Variants in HIPK2 observed in about 807,000 individuals in gnomAD.
HIPK2 encodes homeodomain interacting protein kinase 2, also known as homeodomain-interacting protein kinase 2.
HIPK2 carries 27 observed loss-of-function variants against 113.7 expected under a neutral mutation model. The ratio of observed to expected loss-of-function variants is 0.24; its 90% CI spans 0.17 to 0.33. The LOEUF (loss-of-function observed/expected upper bound fraction) is 0.33, where lower values mean the gene tolerates loss of function less well. Ranked by LOEUF, HIPK2 falls within the 10% of genes least tolerant of loss-of-function variation. The pLI, the probability that HIPK2 is intolerant of heterozygous loss-of-function variation, is 1.00. For synonymous variants in HIPK2, 631 were observed against 642.2 expected (o/e 0.98, Z 0.26); for missense variants, 1,257 against 1,588.0 (o/e 0.79, Z 3.54).
At chr7:139,692,804 C>T (rs891706984) in intron 2 of HIPK2, among the ~76,000 whole-genome samples, 4 of 152,214 alleles carry the variant, frequency 2.6e-5, no homozygotes, top group African/African-American at 7.2e-5. Context: ...CTCACACATT[C>T]GTGATAAATG....
intron 1 of HIPK2, among the ~76,000 whole-genome samples, chr7:139,738,899 C>G (rs1215042860): frequency 6.6e-6 from 1 of 152,072 alleles, no homozygotes; most frequent in Non-Finnish European, 1.5e-5. Context: ...CCAGGATGTC[C>G]AAGACATTGG....
At chr7:139,645,589 C>G (rs558491864) in intron 2 of HIPK2, among the ~76,000 whole-genome samples, 2 of 152,218 alleles carry the variant, frequency 1.3e-5, no homozygotes, top group Non-Finnish European at 2.9e-5. Flanking sequence ...AGCCACTACT[C>G]CTGGCCGATG....
At position 139,604,421 on chromosome 7, in the gene HIPK2, C is replaced by G. The variant is rs142894951; in HGVS notation, c.2113-198G>C. 6.8e-3 allele frequency: 1,804 copies of G among 265,988 alleles called. 35 individuals are homozygous for G. Among genetic ancestry groups the G allele is most frequent in the African/African-American group, 0.039 (1,703 of 43,436 alleles). The allele number at this position is 265,988 out of a possible 1,614,324, so 16.5% of individuals were successfully genotyped here. On this transcript the variant is annotated intron_variant, in intron 9 of 14. Transcript: ENST00000406875. Reference sequence around the variant, plus strand: ...TACAGGCCGGGTGCAGTGGCTCACGCCTGTAATCCTAGCACTTTGGGAGGC... The same window carrying G: ...TACAGGCCGGGTGCAGTGGCTCACGGCTGTAATCCTAGCACTTTGGGAGGC...
intron 13 of HIPK2, among the ~76,000 whole-genome samples, chr7:139,577,752 G>A (rs1798538759): frequency 6.6e-6 from 1 of 152,162 alleles, no homozygotes; most frequent in African/African-American, 2.4e-5. Context: ...AGAAGGGCAG[G>A]GCAGACCAGG....
chr7:139,754,099 A>C (rs1796326152), intron 1 of HIPK2, among the ~76,000 whole-genome samples: 2 of 152,190 alleles, frequency 1.3e-5, no homozygotes, highest in South Asian at 4.1e-4. Context: ...GCTCCAATTT[A>C]GGGGACAGTC....
chr7:139,604,238 A>G lies in HIPK2; in HGVS notation c.2113-15T>C, dbSNP rs1302833752. On this transcript the variant is annotated splice_polypyrimidine_tract_variant and intron_variant, in intron 9 of 14. Transcript: ENST00000406875. ...GGCCAAGCCTGCTGTAGAACACAGG[A>G]CATGTGCAATGACCATGTTTGCTAA... is the stretch of plus-strand genomic sequence containing the variant. 4 of 1,596,494 alleles carry G rather than the reference A, an allele frequency of 2.5e-6. No homozygotes were observed. In the African/African-American group the frequency reaches 5.4e-5, roughly 21 times the overall value.
chr7:139,742,691 GA>G (rs1250083975), intron 1 of HIPK2, among the ~76,000 whole-genome samples: 2 of 152,244 alleles, frequency 1.3e-5, no homozygotes, highest in Middle Eastern at 3.4e-3. Flanking sequence ...ATGAAATCAA[GA>G]AAATAGCAGC....
At position 139,745,928 on chromosome 7, in the gene HIPK2, G is replaced by A. The variant is rs950542765; in HGVS notation, c.20-28913C>T. On this transcript the variant is annotated intron_variant, in intron 1 of 14. Coordinates refer to ENST00000406875, the MANE Select transcript of HIPK2 (RefSeq NM_022740.5). ...GCCACGATTATTTCAACACAGAAAA[G>A]GAGAAAAAGAGGAGCTGGATGACCT... Among the ~76,000 whole-genome samples, 3 of 152,306 alleles carry A rather than the reference G, an allele frequency of 2.0e-5. No individual in the cohort carries two copies. In the East Asian group the frequency reaches 5.8e-4, roughly 29 times the overall value.
chr7:139,673,050 A>G (rs1248417902), intron 2 of HIPK2, among the ~76,000 whole-genome samples: 3 of 152,162 alleles, frequency 2.0e-5, no homozygotes, highest in Non-Finnish European at 4.4e-5. Context: ...TGTGGAGGAC[A>G]GAAAGTCCTA....
At chr7:139,689,688 A>G (rs1316227615) in intron 2 of HIPK2, among the ~76,000 whole-genome samples, 1 of 152,168 alleles carries the variant, frequency 6.6e-6, no homozygotes, top group Non-Finnish European at 1.5e-5. Context: ...ACAGCTTCCC[A>G]TTGGTCCAAG....
chr7:139,743,377 G>T (rs959916480), intron 1 of HIPK2, among the ~76,000 whole-genome samples: 1 of 152,188 alleles, frequency 6.6e-6, no homozygotes, highest in African/African-American at 2.4e-5. Flanking sequence ...ACAGACACAT[G>T]ATTTTCCTTG....
chr7:139,776,453 T>C (rs996784883), intron 1 of HIPK2, among the ~76,000 whole-genome samples: 8 of 151,670 alleles, frequency 5.3e-5, no homozygotes, highest in African/African-American at 1.7e-4. Flanking sequence ...ATAACAGAGA[T>C]AAAACTATTA....
chr7:139,740,432 C>T (rs989192923), intron 1 of HIPK2, among the ~76,000 whole-genome samples: 1 of 152,218 alleles, frequency 6.6e-6, no homozygotes, highest in African/African-American at 2.4e-5. Flanking sequence ...GCAGCTGCAG[C>T]AGGACGCAAA....
chr7:139,753,367 G>T (rs1027223781), intron 1 of HIPK2, among the ~76,000 whole-genome samples: 1 of 152,172 alleles, frequency 6.6e-6, no homozygotes, highest in Non-Finnish European at 1.5e-5. Context: ...CAGCAACCAC[G>T]GGAGCCTTCC....
At chr7:139,632,602 C>T (rs1175614634) in intron 2 of HIPK2, among the ~76,000 whole-genome samples, 1 of 152,072 alleles carries the variant, frequency 6.6e-6, no homozygotes, top group Non-Finnish European at 1.5e-5. Flanking sequence ...GAGTTCTGTC[C>T]CTTCAAGGAA....
intron 1 of HIPK2, among the ~76,000 whole-genome samples, chr7:139,775,878 CA>C (rs1260779075): frequency 6.6e-6 from 1 of 152,176 alleles, no homozygotes; most frequent in Admixed American, 6.5e-5. Context: ...AAATACACCC[CA>C]ACTCACATAC....
intron 6 of HIPK2, among the ~76,000 whole-genome samples, chr7:139,624,412 G>A (rs966276661): frequency 6.6e-6 from 1 of 152,160 alleles, no homozygotes; most frequent in African/African-American, 2.4e-5. Flanking sequence ...TCGCTAGGAA[G>A]GCTTCAGAAG....
chr7:139,685,863 T>A (rs978640425), intron 2 of HIPK2, among the ~76,000 whole-genome samples: 1 of 152,226 alleles, frequency 6.6e-6, no homozygotes, highest in Non-Finnish European at 1.5e-5. Context: ...CTGATGGAGA[T>A]GTACAAGATT....
At chr7:139,768,854 C>T (rs1025771457) in intron 1 of HIPK2, among the ~76,000 whole-genome samples, 1 of 152,224 alleles carries the variant, frequency 6.6e-6, no homozygotes, top group Non-Finnish European at 1.5e-5. Flanking sequence ...CTTCTGTGCA[C>T]ACTGCTACAG....
Sources: allele counts gnomAD v4.1 joint callset (sites outside exome capture counted in the v4.1 genomes callset), GRCh38; gene constraint gnomAD v4.1.1; transcripts MANE v1.5; gene names NCBI Gene and HGNC (gene_info 2026-07-23, HGNC 2026-07-21).